Variants in CDK5RAP1 observed in about 807,000 individuals in gnomAD.
CDK5RAP1 encodes mitochondrial tRNA methylthiotransferase CDK5RAP1.
In CDK5RAP1, 62 loss-of-function variants were observed where a neutral mutation model predicts 64.5. That is an observed-to-expected ratio of 0.96 (90% CI 0.78 to 1.19). The LOEUF is 1.19. CDK5RAP1 is among the 50% of genes most tolerant of loss of function. The probability of loss-of-function intolerance (pLI) is 0.00; values close to 1 mark genes in which losing one functional copy is unlikely to be tolerated. For missense variants in CDK5RAP1, 657 were observed against 735.0 expected (o/e 0.89, Z 1.23); for synonymous variants, 250 against 261.9 (o/e 0.95, Z 0.44).
At chr20:33,398,148 C>G (rs538193833) in intron 1 of CDK5RAP1, among the ~76,000 whole-genome samples, 1 of 152,324 alleles carries the variant, frequency 6.6e-6, no homozygotes, top group African/African-American at 2.4e-5. Flanking sequence ...AGCATTTCCA[C>G]TCATAATTAT....
At position 33,370,560 on chromosome 20, in the gene CDK5RAP1, ACTGT is replaced by A; in HGVS notation, c.1327_1330del (p.Thr443SerfsTer19). 6.2e-7 allele frequency: 1 copy of A among 1,614,124 alleles called. No individual in the cohort carries two copies. Among genetic ancestry groups the A allele is most frequent in the Non-Finnish European group, 8.5e-7 (1 of 1,180,014 alleles). On this transcript the variant is annotated frameshift_variant, in exon 11 of 14. Coordinates refer to ENST00000346416, the MANE Select transcript of CDK5RAP1 (RefSeq NM_016408.4). LOFTEE classifies it high-confidence loss of function. The stretch of plus-strand genomic sequence containing the variant: ...GTACTGAACTTCCCGGAGCAAAGAG[ACTGT>A]CTGGACGTGATCTTCCTCCGTCTCA...
At chr20:33,360,711 T>G (rs1247483205) in intron 12 of CDK5RAP1, among the ~76,000 whole-genome samples, 1 of 152,198 alleles carries the variant, frequency 6.6e-6, no homozygotes, top group African/African-American at 2.4e-5. Flanking sequence ...AACTATATTA[T>G]AATGAATCAA....
intron 5 of CDK5RAP1, among the ~76,000 whole-genome samples, chr20:33,389,623 G>C (rs1988050569): frequency 1.3e-5 from 2 of 151,862 alleles, no homozygotes. Flanking sequence ...CCCCGTCCAG[G>C]AGGTGGGGGG....
At chr20:33,400,818 G>A (rs1030222874) in intron 1 of CDK5RAP1, among the ~76,000 whole-genome samples, 6 of 151,150 alleles carry the variant, frequency 4.0e-5, no homozygotes, top group African/African-American at 1.5e-4. Context: ...CCCGTCTCAA[G>A]AAAAAAAAAG....
chr20:33,367,202 T>C (rs1170746413), intron 11 of CDK5RAP1, among the ~76,000 whole-genome samples, 194 bp from the exon 12 acceptor site: 2 of 152,168 alleles, frequency 1.3e-5, no homozygotes, highest in African/African-American at 4.8e-5. Context: ...AGTCATATTT[T>C]TGCAAGGGTT....
At chr20:33,375,326 C>T (rs957526446) in intron 8 of CDK5RAP1, among the ~76,000 whole-genome samples, 3 of 149,018 alleles carry the variant, frequency 2.0e-5, no homozygotes, top group African/African-American at 7.4e-5. Context: ...CACTTGAACC[C>T]GGGAGGCAGA....
intron 7 of CDK5RAP1, among the ~76,000 whole-genome samples, chr20:33,380,625 A>G (rs968684903): frequency 1.3e-5 from 2 of 152,334 alleles, no homozygotes; most frequent in Middle Eastern, 3.4e-3. Flanking sequence ...AAATACATTT[A>G]TGGGTGCATG....
intron 5 of CDK5RAP1, among the ~76,000 whole-genome samples, chr20:33,388,756 C>T (rs962403181): frequency 6.6e-6 from 1 of 152,066 alleles, no homozygotes; most frequent in Non-Finnish European, 1.5e-5. Context: ...TGCCGAGTGC[C>T]TGCGATTGCA....
rs1255117925 is a variant in CDK5RAP1, at chr20:33,372,511, G to A, written c.1261+131C>T. The A allele has an allele frequency of 7.8e-6, 4 of 509,684 alleles. No individual in the cohort carries two copies. In the East Asian group the frequency reaches 1.3e-4, roughly 16 times the overall value. The allele number at this position is 509,684 out of a possible 1,614,324, so 31.6% of individuals were successfully genotyped here. A position where few individuals can be genotyped will look rare whatever the true frequency, so the allele number is the denominator to read the frequency against. ...AAGAAAGAATACGAGGAGAGAGAAA[G>A]AGAAAGAAGAAGAGCACAAAAGTTA... On this transcript the variant is annotated intron_variant, in intron 10 of 13. Transcript: ENST00000346416.
At position 33,393,934 on chromosome 20, in the gene CDK5RAP1, C is replaced by A. The variant is rs553513210; in HGVS notation, c.443+98G>T. On this transcript the variant is annotated intron_variant, in intron 4 of 13. Transcript: ENST00000346416. ...AACTGCAAGTCCTACTGCCATGGGGCCACTGGCTCATCTCCATAGACAGCC... is the reference window on the plus strand; with the variant it reads ...AACTGCAAGTCCTACTGCCATGGGGACACTGGCTCATCTCCATAGACAGCC... 2.6e-5 allele frequency: 22 copies of A among 845,828 alleles called. No homozygotes were observed. In the East Asian group the frequency reaches 2.7e-4, roughly 10 times the overall value. 52.4% of individuals were successfully genotyped at this position (845,828 alleles called of 1,614,324 possible). A position where few individuals can be genotyped will look rare whatever the true frequency, so the allele number is the denominator to read the frequency against.
chr20:33,386,886 G>A (rs1435371079), intron 6 of CDK5RAP1, among the ~76,000 whole-genome samples: 2 of 151,850 alleles, frequency 1.3e-5, no homozygotes, highest in African/African-American at 4.8e-5. Flanking sequence ...GGCAATATGT[G>A]AATAAATGGG....
chr20:33,362,121 A>G (rs1983057520), intron 12 of CDK5RAP1, among the ~76,000 whole-genome samples: 2 of 152,104 alleles, frequency 1.3e-5, no homozygotes, highest in Non-Finnish European at 2.9e-5. Context: ...GTAACAGGTG[A>G]AATTTTTCCA....
chr20:33,385,095 G>T (rs79040665), intron 7 of CDK5RAP1, among the ~76,000 whole-genome samples: 2,646 of 152,186 alleles, frequency 0.017, 67 homozygotes, highest in African/African-American at 0.059. Context: ...CAAAAGCTGA[G>T]GACCAGCTCC....
At chr20:33,389,461 C>T (rs918808421) in intron 5 of CDK5RAP1, among the ~76,000 whole-genome samples, 9 of 151,772 alleles carry the variant, frequency 5.9e-5, no homozygotes, top group East Asian at 3.9e-4. Context: ...GGAGCGTCTC[C>T]GCCCAGCAGC....
chr20:33,389,689 A>G lies in CDK5RAP1; in HGVS notation c.545-2156T>C, dbSNP rs545076328. ...TGAGGAGCCCTTCTGCCCGGCCGCC[A>G]CCCCGTCTGGGAGGTGTACACAACA... On this transcript the variant is annotated intron_variant, in intron 5 of 13. Transcript: ENST00000346416. 8.0e-4 allele frequency among the ~76,000 whole-genome samples: 121 copies of G among 151,884 alleles called. 1 individual carries two copies. Among genetic ancestry groups the G allele is most frequent in the Middle Eastern group, 3.4e-3 (1 of 292 alleles).
At chr20:33,367,137 C>CCTCT (rs1984136600) in intron 11 of CDK5RAP1, 129 bp from the exon 12 acceptor site, 1 of 820,914 alleles carries the variant, frequency 1.2e-6, no homozygotes, top group Non-Finnish European at 1.8e-6. Flanking sequence ...AAACCCAAGC[C>CCTCT]AGAGGCAAGA....
intron 12 of CDK5RAP1, 56 bp downstream of exon 12, chr20:33,366,803 A>G: frequency 6.6e-7 from 1 of 1,513,400 alleles, no homozygotes; most frequent in Admixed American, 2.1e-5. Flanking sequence ...AAAAAATCAA[A>G]GATCTAATGT....
chr20:33,379,434 G>T (rs775018377), intron 8 of CDK5RAP1, 27 bp downstream of exon 8: 4 of 1,527,064 alleles, frequency 2.6e-6, no homozygotes, highest in Non-Finnish European at 3.6e-6. Flanking sequence ...ACTAATATCA[G>T]TTTGTCACAG....
chr20:33,401,255 G>A (rs1003242079), intron 1 of CDK5RAP1, among the ~76,000 whole-genome samples, 173 bp downstream of exon 1: 1 of 152,232 alleles, frequency 6.6e-6, no homozygotes, highest in Non-Finnish European at 1.5e-5. Context: ...CACGGGGTTA[G>A]GCGGCGGGGT....
Sources: allele counts gnomAD v4.1 joint callset (sites outside exome capture counted in the v4.1 genomes callset), GRCh38; gene constraint gnomAD v4.1.1; transcripts MANE v1.5; gene names NCBI Gene and HGNC (gene_info 2026-07-23, HGNC 2026-07-21).